Variants in SASH1 observed in about 807,000 individuals in gnomAD.
SASH1 encodes the protein SAM and SH3 domain-containing protein 1.
In SASH1, 44 loss-of-function variants were observed where a neutral mutation model predicts 125.2. The ratio of observed to expected loss-of-function variants is 0.35; its 90% CI spans 0.28 to 0.45. The LOEUF is 0.45. SASH1 is among the 20% of genes least tolerant of loss of function. The pLI is 1.00. For synonymous variants in SASH1, 639 were observed against 649.1 expected (o/e 0.98, Z 0.24); for missense variants, 1,426 against 1,614.5 (o/e 0.88, Z 2.00).
intron 1 of SASH1, among the ~76,000 whole-genome samples, chr6:148,337,009 G>A (rs899467686): frequency 6.6e-6 from 1 of 152,132 alleles, no homozygotes; most frequent in Non-Finnish European, 1.5e-5. Flanking sequence ...ACAACTTGTA[G>A]ACTAATGGCT....
At chr6:148,292,161 G>T (rs963284141) in intron 1 of SASH1, among the ~76,000 whole-genome samples, 4 of 152,204 alleles carry the variant, frequency 2.6e-5, no homozygotes, top group African/African-American at 9.6e-5. Context: ...CTTCTGTGAT[G>T]ATCTTTTCAT....
At chr6:148,362,068 C>T (rs1290217286) in intron 1 of SASH1, among the ~76,000 whole-genome samples, 3 of 151,122 alleles carry the variant, frequency 2.0e-5, no homozygotes, top group Admixed American at 2.0e-4. Flanking sequence ...CGCCCACAAC[C>T]ACGCCCAGCT....
intron 17 of SASH1, among the ~76,000 whole-genome samples, chr6:148,542,608 C>T (rs1583332642): frequency 1.3e-5 from 2 of 152,134 alleles, no homozygotes; most frequent in East Asian, 1.9e-4. Context: ...AGGATGGTCT[C>T]GATCTCCTGA....
chr6:148,273,080 C>T (rs968576043), intron 1 of SASH1, among the ~76,000 whole-genome samples: 2 of 151,908 alleles, frequency 1.3e-5, no homozygotes, highest in Admixed American at 6.6e-5. Flanking sequence ...GGCAACATGG[C>T]GAAACACTGT....
At chr6:148,404,705 C>G (rs1386933530) in intron 2 of SASH1, among the ~76,000 whole-genome samples, 1 of 117,108 alleles carries the variant, frequency 8.5e-6, no homozygotes, top group Admixed American at 9.0e-5. Flanking sequence ...CCACCTGCCC[C>G]CCAAGCCCAG....
At position 148,519,284 on chromosome 6, in the gene SASH1, A is replaced by G. The variant is rs1780651894; in HGVS notation, c.863-263A>G. Among the ~76,000 whole-genome samples the G allele has an allele frequency of 6.6e-6, 1 of 152,222 alleles. No individual in the cohort carries two copies. The highest frequency in any genetic ancestry group is 6.5e-5 in the Admixed American group (1 of 15,290). ...GATTATGGCTAGCTTAGATTTTGCA[A>G]ACGGCATTTTAAATACGCCTGTGAA... On this transcript the variant is annotated intron_variant, in intron 9 of 19. Coordinates refer to ENST00000367467, the MANE Select transcript of SASH1 (RefSeq NM_015278.5). This position sits in a 1 kb window ranked among gnomAD's most constrained non-coding sequence, Gnocchi z 4.8.
At chr6:148,319,382 G>A (rs72563832) in intron 1 of SASH1, among the ~76,000 whole-genome samples, 1 of 151,834 alleles carries the variant, frequency 6.6e-6, no homozygotes, top group Non-Finnish European at 1.5e-5. Context: ...AGGAACCTGG[G>A]AGATTGTGAA....
chr6:148,503,927 A>G (rs972673214), intron 8 of SASH1, among the ~76,000 whole-genome samples: 1 of 152,170 alleles, frequency 6.6e-6, no homozygotes, highest in African/African-American at 2.4e-5. Context: ...GCATTTTTGC[A>G]TTCTCCAAAT....
At chr6:148,335,794 C>G (rs1441819837) in intron 1 of SASH1, among the ~76,000 whole-genome samples, 1 of 152,122 alleles carries the variant, frequency 6.6e-6, no homozygotes, top group Non-Finnish European at 1.5e-5. Flanking sequence ...ATCCTAATCA[C>G]CCCGCCCCAC....
chr6:148,233,214 T>TAAA, the SASH1 span, among the ~76,000 whole-genome samples: 1 of 126,444 alleles, frequency 7.9e-6, no homozygotes, highest in African/African-American at 3.0e-5. Context: ...AACTCCATCT[T>TAAA]AAAAAAAAAA....
chr6:148,538,980 A>G (rs1782051534), intron 16 of SASH1, among the ~76,000 whole-genome samples: 1 of 152,106 alleles, frequency 6.6e-6, no homozygotes, highest in South Asian at 2.1e-4. Flanking sequence ...GTAAGGCTCC[A>G]TGTGCCCTTT....
chr6:148,421,182 A>G lies in SASH1; in HGVS notation c.286-19002A>G, dbSNP rs879928713. Among the ~76,000 whole-genome samples, 439 of 147,018 alleles carry G rather than the reference A, an allele frequency of 3.0e-3. 2 individuals are homozygous for G. Among genetic ancestry groups the G allele is most frequent in the African/African-American group, 7.3e-3 (297 of 40,464 alleles). On this transcript the variant is annotated intron_variant, in intron 2 of 19. Coordinates refer to ENST00000367467, the MANE Select transcript of SASH1 (RefSeq NM_015278.5). ...GAAAGAAAGAAAGAAAGAAAGAAAG[A>G]AAGAAAGAAAGAAAGAAAGAAAGAA...
At chr6:148,282,508 A>G (rs1382194238) in intron 1 of SASH1, among the ~76,000 whole-genome samples, 2 of 151,954 alleles carry the variant, frequency 1.3e-5, no homozygotes, top group African/African-American at 4.8e-5. Flanking sequence ...CAGCCTCCCA[A>G]GTAGCTGGGA....
chr6:148,234,997 T>C, the SASH1 span, among the ~76,000 whole-genome samples: 1 of 152,174 alleles, frequency 6.6e-6, no homozygotes. Context: ...TAGAATAGTA[T>C]CCATTTTGGG....
At chr6:148,341,678 AAAAC>A (rs555561517), upstream of SASH1, among the ~76,000 whole-genome samples, 122 of 152,218 alleles carry the variant, frequency 8.0e-4, no homozygotes, top group East Asian at 2.3e-3. Flanking sequence ...AAAACAAAAC[AAAAC>A]AAACAAACAA....
chr6:148,531,452 C>CAAGT, intron 12 of SASH1, 74 bp from the exon 13 acceptor site: 1 of 1,319,108 alleles, frequency 7.6e-7, no homozygotes, highest in Non-Finnish European at 1.0e-6. Flanking sequence ...CGTTGAAGGC[C>CAAGT]AAGTCGCTGA....
chr6:148,429,995 C>G (rs1430249716), intron 2 of SASH1, among the ~76,000 whole-genome samples: 1 of 152,160 alleles, frequency 6.6e-6, no homozygotes, highest in Non-Finnish European at 1.5e-5. Context: ...AGAGTCGCTA[C>G]CCATAGGTAC....
chr6:148,267,996 G>C (rs949777502), upstream of SASH1, among the ~76,000 whole-genome samples: 7 of 152,190 alleles, frequency 4.6e-5, no homozygotes, highest in African/African-American at 1.7e-4. Flanking sequence ...ACGAACGAAA[G>C]GCCAATGTGT....
At chr6:148,252,334 C>T in the SASH1 span, among the ~76,000 whole-genome samples, 5 of 152,064 alleles carry the variant, frequency 3.3e-5, no homozygotes, top group Admixed American at 6.5e-5. Flanking sequence ...ATTCTGATTA[C>T]GGTGAATTTT....
Sources: allele counts gnomAD v4.1 joint callset (sites outside exome capture counted in the v4.1 genomes callset), GRCh38; gene constraint gnomAD v4.1.1; non-coding constraint Gnocchi (gnomAD v3.1); transcripts MANE v1.5; gene names NCBI Gene and HGNC (gene_info 2026-07-23, HGNC 2026-07-21).